MPP7: variants seen among roughly 807,000 people sequenced by gnomAD.
MPP7 encodes MAGUK p55 subfamily member 7.
In MPP7, 60 loss-of-function variants were observed where a neutral mutation model predicts 76.5. That is an observed-to-expected ratio of 0.78 (90% confidence interval 0.64 to 0.97). The LOEUF is 0.97. MPP7 is among the 50% of genes least tolerant of loss of function. The pLI, the probability that MPP7 is intolerant of heterozygous loss-of-function variation, is 0.00. For missense variants in MPP7, 641 were observed against 694.0 expected (o/e 0.92, Z 0.86); for synonymous variants, 237 against 244.5 (o/e 0.97, Z 0.29).
chr10:28,325,975 C>CA (rs71281552), intron 2 of MPP7, among the ~76,000 whole-genome samples: 12,893 of 96,078 alleles, frequency 0.13, 1,026 homozygotes, highest in East Asian at 0.49. Flanking sequence ...GACCTCATCT[C>CA]AAAAAAAAAA....
intron 13 of MPP7, among the ~76,000 whole-genome samples, chr10:28,061,617 T>C (rs1371522723): frequency 1.3e-5 from 2 of 152,114 alleles, no homozygotes; most frequent in African/African-American, 2.4e-5. Context: ...CAGAAAAATA[T>C]GTTTGAAGAA....
intron 11 of MPP7, among the ~76,000 whole-genome samples, chr10:28,111,173 C>T (rs1396325284): frequency 6.6e-6 from 1 of 151,662 alleles, no homozygotes; most frequent in African/African-American, 2.4e-5. Flanking sequence ...GCAGAAAATG[C>T]AATTAGAATA....
chr10:28,060,865 A>G (rs1255101658), intron 13 of MPP7, among the ~76,000 whole-genome samples: 2 of 152,268 alleles, frequency 1.3e-5, no homozygotes, highest in African/African-American at 4.8e-5. Context: ...AGTGGAATGT[A>G]CAGGTTTCAG....
At chr10:28,217,526 C>CAA (rs773506497) in intron 2 of MPP7, among the ~76,000 whole-genome samples, 1 of 58,936 alleles carries the variant, frequency 1.7e-5, no homozygotes, top group Non-Finnish European at 3.7e-5. Flanking sequence ...GACTCTGTCT[C>CAA]AAAAAAAAAA....
At chr10:28,293,677 G>A (rs538245657) in intron 1 of MPP7, among the ~76,000 whole-genome samples, 47 of 152,306 alleles carry the variant, frequency 3.1e-4, no homozygotes, top group African/African-American at 1.0e-3. Flanking sequence ...GGAGGGAGCG[G>A]AGCGGGGCAG....
chr10:28,305,645 A>G (rs1197172474), upstream of MPP7: 1 of 152,226 alleles, frequency 6.6e-6, no homozygotes, highest in Non-Finnish European at 1.5e-5. Flanking sequence ...CATCCCAGAG[A>G]AAAGGGACAG....
At chr10:28,237,181 T>C (rs1294945783) in intron 2 of MPP7, among the ~76,000 whole-genome samples, 1 of 152,214 alleles carries the variant, frequency 6.6e-6, no homozygotes, top group African/African-American at 2.4e-5. Flanking sequence ...CTAAGGCATT[T>C]TGGGTGAACA....
intron 1 of MPP7, among the ~76,000 whole-genome samples, chr10:28,248,725 G>GT (rs1025642012): frequency 1.3e-5 from 2 of 152,166 alleles, no homozygotes; most frequent in African/African-American, 2.4e-5. Context: ...GTTTAGGTAT[G>GT]TTTAGATACA....
At chr10:28,263,415 T>C (rs1487404429) in intron 1 of MPP7, among the ~76,000 whole-genome samples, 1 of 152,158 alleles carries the variant, frequency 6.6e-6, no homozygotes, top group Non-Finnish European at 1.5e-5. Flanking sequence ...GGTGGGGTAT[T>C]ACAGAAGGGA....
intron 11 of MPP7, among the ~76,000 whole-genome samples, chr10:28,102,931 G>T (rs545813514): frequency 6.6e-6 from 1 of 152,316 alleles, no homozygotes; most frequent in African/African-American, 2.4e-5. Flanking sequence ...TTACGGCTCT[G>T]CTTAGAGCCC....
At chr10:28,149,422 A>G (rs1439137937) in intron 4 of MPP7, among the ~76,000 whole-genome samples, 2 of 152,244 alleles carry the variant, frequency 1.3e-5, no homozygotes, top group Non-Finnish European at 2.9e-5. Flanking sequence ...AGCTACAGGA[A>G]ATTAACTACT....
At chr10:28,097,692 G>A (rs1025285217) in intron 11 of MPP7, among the ~76,000 whole-genome samples, 8 of 152,138 alleles carry the variant, frequency 5.3e-5, no homozygotes, top group African/African-American at 1.4e-4. Flanking sequence ...AAGGACCAAC[G>A]GTTTAACTTA....
intron 6 of MPP7, among the ~76,000 whole-genome samples, chr10:28,126,663 G>A (rs1235996092): frequency 6.6e-6 from 1 of 152,120 alleles, no homozygotes; most frequent in East Asian, 1.9e-4. Flanking sequence ...TACTCTTGGG[G>A]GAGATTGTCT....
chr10:28,266,881 C>CAGTA (rs1440644803), intron 1 of MPP7, among the ~76,000 whole-genome samples: 1 of 152,184 alleles, frequency 6.6e-6, no homozygotes, highest in Non-Finnish European at 1.5e-5. Flanking sequence ...ATCTGGCATG[C>CAGTA]AGTAAGTGCT....
intron 3 of MPP7, among the ~76,000 whole-genome samples, chr10:28,160,641 AT>A: frequency 6.6e-6 from 1 of 152,370 alleles, no homozygotes; most frequent in African/African-American, 2.4e-5. Flanking sequence ...CTCTGAATAC[AT>A]GAATCTAACA....
chr10:28,190,737 C>T (rs1837385524), intron 3 of MPP7, among the ~76,000 whole-genome samples: 1 of 151,592 alleles, frequency 6.6e-6, no homozygotes, highest in African/African-American at 2.4e-5. Context: ...TCTAACTTTC[C>T]AACCTTTGGA....
At chr10:28,120,420 A>T (rs937181548) in intron 9 of MPP7, 30 bp from the exon 10 acceptor site, 1 of 1,586,574 alleles carries the variant, frequency 6.3e-7, no homozygotes, top group Admixed American at 1.8e-5. Flanking sequence ...AAAGATGAAT[A>T]AAGATAAAAA....
chr10:28,236,520 G>A (rs561056409), intron 2 of MPP7: 2 of 152,060 alleles, frequency 1.3e-5, no homozygotes, highest in Non-Finnish European at 2.9e-5. Context: ...ACATATATAT[G>A]CAAGTATTGA....
At chr10:28,202,327 G>A (rs146377556) in intron 2 of MPP7, 56 bp from the exon 3 acceptor site, 26 of 1,284,524 alleles carry the variant, frequency 2.0e-5, no homozygotes, top group Admixed American at 1.6e-4. Context: ...CATTAATTTC[G>A]CCTAAGGTGT....
Sources: allele counts gnomAD v4.1 joint callset (sites outside exome capture counted in the v4.1 genomes callset), GRCh38; gene constraint gnomAD v4.1.1; transcripts MANE v1.5; gene names NCBI Gene and HGNC (gene_info 2026-07-23, HGNC 2026-07-21).